HSD17B12: variants seen among roughly 807,000 people sequenced by gnomAD.
HSD17B12 encodes the protein very-long-chain 3-oxoacyl-CoA reductase.
A neutral mutation model predicts 39.3 loss-of-function variants in HSD17B12; 32 were observed. The observed-to-expected ratio is 0.81, with a 90% CI of 0.61 to 1.09. The LOEUF (loss-of-function observed/expected upper bound fraction) is 1.09. Ranked by LOEUF, HSD17B12 falls within the 50% of genes least tolerant of loss-of-function variation. The pLI, the probability that HSD17B12 is intolerant of heterozygous loss-of-function variation, is 0.00. For synonymous variants in HSD17B12, 150 were observed against 146.7 expected (o/e 1.02, Z -0.16); for missense variants, 342 against 382.9 (o/e 0.89, Z 0.89).
At chr11:43,690,092 C>T (rs1436767389) in intron 1 of HSD17B12, among the ~76,000 whole-genome samples, 2 of 151,718 alleles carry the variant, frequency 1.3e-5, no homozygotes, top group South Asian at 4.2e-4. Flanking sequence ...TGGAACCGCC[C>T]CTCCTACCTA....
chr11:43,844,634 G>T (rs1441046329), intron 9 of HSD17B12, among the ~76,000 whole-genome samples: 2 of 152,228 alleles, frequency 1.3e-5, no homozygotes, highest in East Asian at 3.9e-4. Context: ...TAGGTAGTGG[G>T]CCCTAGCCCT....
At chr11:43,809,438 C>CT (rs1328394789) in intron 4 of HSD17B12, among the ~76,000 whole-genome samples, 1 of 152,170 alleles carries the variant, frequency 6.6e-6, no homozygotes, top group African/African-American at 2.4e-5. Context: ...GTTTCCCCCA[C>CT]TTTTGGTATA....
chr11:43,567,798 A>G, the HSD17B12 span, among the ~76,000 whole-genome samples: 2 of 152,338 alleles, frequency 1.3e-5, no homozygotes, highest in South Asian at 4.1e-4. Context: ...TTTTGTGTGC[A>G]TTATTTCATT....
At chr11:43,567,945 A>G in the HSD17B12 span, among the ~76,000 whole-genome samples, 1 of 152,108 alleles carries the variant, frequency 6.6e-6, no homozygotes, top group African/African-American at 2.4e-5. Flanking sequence ...CTGAGTGACA[A>G]CTCAAGAGAA....
intron 1 of HSD17B12, among the ~76,000 whole-genome samples, chr11:43,732,367 G>T (rs1950275492): frequency 6.6e-6 from 1 of 152,136 alleles, no homozygotes; most frequent in South Asian, 2.1e-4. Flanking sequence ...CACACTCCAT[G>T]GTTGGTCTCT....
At position 43,705,950 on chromosome 11, in the gene HSD17B12, A is replaced by C. The variant is rs368618945; in HGVS notation, c.160+24963A>C. ...GTTAATTTTTGTATTTTTTGTAGAG[A>C]CAGGGTTTCACTATATTGCCTAGGC... On this transcript the variant is annotated intron_variant, in intron 1 of 10. Transcript: ENST00000278353. Among the ~76,000 whole-genome samples, 200 of 151,492 alleles carry C rather than the reference A, an allele frequency of 1.3e-3. 1 individual carries two copies. Among genetic ancestry groups the C allele is most frequent in the African/African-American group, 4.6e-3 (192 of 41,324 alleles).
chr11:43,674,242 G>C, the HSD17B12 span, among the ~76,000 whole-genome samples: 1 of 152,130 alleles, frequency 6.6e-6, no homozygotes, highest in Non-Finnish European at 1.5e-5. Flanking sequence ...ACAGAATACT[G>C]CTGAATAGGA....
At chr11:43,815,646 C>T in intron 5 of HSD17B12, 145 bp downstream of exon 5, 2 of 481,954 alleles carry the variant, frequency 4.1e-6, no homozygotes, top group Non-Finnish European at 7.7e-6. Flanking sequence ...TGGGTATGGG[C>T]CTAGCCATAC....
At chr11:43,715,438 G>C (rs1418196334) in intron 1 of HSD17B12, among the ~76,000 whole-genome samples, 2 of 151,916 alleles carry the variant, frequency 1.3e-5, no homozygotes, top group African/African-American at 4.8e-5. Flanking sequence ...TATTGATTTG[G>C]GTATGTCGAA....
At chr11:43,704,666 T>C (rs1166037391) in intron 1 of HSD17B12, among the ~76,000 whole-genome samples, 1 of 152,194 alleles carries the variant, frequency 6.6e-6, no homozygotes, top group Non-Finnish European at 1.5e-5. Flanking sequence ...TTTAGGAGCA[T>C]GCATATCGCA....
chr11:43,707,673 A>C (rs1950028250), intron 1 of HSD17B12, among the ~76,000 whole-genome samples: 1 of 152,214 alleles, frequency 6.6e-6, no homozygotes, highest in African/African-American at 2.4e-5. Context: ...TGGTTTCTTT[A>C]GTGAATCACT....
At chr11:43,748,831 C>CA (rs373288004) in intron 1 of HSD17B12, among the ~76,000 whole-genome samples, 8 of 149,744 alleles carry the variant, frequency 5.3e-5, no homozygotes, top group East Asian at 2.0e-4. Context: ...TAAATAAAGG[C>CA]AAAAAAAAAT....
chr11:43,614,442 T>C, the HSD17B12 span, among the ~76,000 whole-genome samples: 1 of 152,186 alleles, frequency 6.6e-6, no homozygotes, highest in African/African-American at 2.4e-5. Context: ...CTTCCCCCCA[T>C]AGCACTTCTG....
the HSD17B12 span, among the ~76,000 whole-genome samples, chr11:43,577,254 T>C: frequency 6.6e-6 from 1 of 152,134 alleles, no homozygotes; most frequent in African/African-American, 2.4e-5. Context: ...AGCCCCGCCC[T>C]GGATGCAGGA....
intron 1 of HSD17B12, among the ~76,000 whole-genome samples, chr11:43,746,021 CAAACA>C (rs1950408949): frequency 6.6e-6 from 1 of 152,044 alleles, no homozygotes; most frequent in Non-Finnish European, 1.5e-5. Flanking sequence ...TAAAAATAAA[CAAACA>C]AAAGATTAAA....
chr11:43,752,196 A>C (rs1008463646), intron 2 of HSD17B12, among the ~76,000 whole-genome samples: 11 of 152,096 alleles, frequency 7.2e-5, no homozygotes, highest in African/African-American at 2.7e-4. Context: ...GCATTTTTTC[A>C]TCAGGAAGGC....
chr11:43,614,281 C>T, the HSD17B12 span, among the ~76,000 whole-genome samples: 1 of 152,166 alleles, frequency 6.6e-6, no homozygotes, highest in East Asian at 1.9e-4. Flanking sequence ...ATAGAATTTT[C>T]AATGACAAGT....
At position 43,729,441 on chromosome 11, in the gene HSD17B12, G is replaced by GT. The variant is rs1950249341; in HGVS notation, c.161-21464dup. Among the ~76,000 whole-genome samples the GT allele has an allele frequency of 2.0e-5, 3 of 152,258 alleles. No homozygotes were observed. The South Asian group carries it at 6.2e-4, about 32-fold the overall frequency. ...TATAACTTCAGGCATCAGAGAAGTT[G>GT]TTTTTTCTCTCTTTGAGCTCTAGTC... On this transcript the variant is annotated intron_variant, in intron 1 of 10. Coordinates refer to ENST00000278353, the MANE Select transcript of HSD17B12 (RefSeq NM_016142.3).
At chr11:43,714,910 G>T (rs1385296522) in intron 1 of HSD17B12, among the ~76,000 whole-genome samples, 3 of 152,044 alleles carry the variant, frequency 2.0e-5, no homozygotes, top group Non-Finnish European at 4.4e-5. Flanking sequence ...TTCACTCATG[G>T]TTTGGCTCTC....
Sources: gnomAD v4.1 joint callset for allele counts (sites outside exome capture counted in the v4.1 genomes callset) on GRCh38, gnomAD v4.1.1 for gene constraint, MANE v1.5 for transcripts, NCBI Gene and HGNC (gene_info 2026-07-23, HGNC 2026-07-21) for gene names.